The following DIPK2B variants were observed in gnomAD, a reference collection of about 807,000 sequenced individuals.
The protein encoded by DIPK2B is divergent protein kinase domain 2B.
Under a neutral mutation model 22.2 loss-of-function variants are expected in DIPK2B, and 15 were observed. That is an observed-to-expected ratio of 0.68 (90% CI 0.45 to 1.04). The LOEUF is 1.04. Among genes scored for constraint, DIPK2B ranks in the 50% least tolerant of loss-of-function variants. DIPK2B has a pLI of 0.00. For synonymous variants in DIPK2B, 163 were observed against 153.2 expected, an observed-to-expected ratio of 1.06 and a Z score of -0.47; for missense variants, 345 against 348.3, an observed-to-expected ratio of 0.99 and a Z score of 0.08.
chrX:45,195,031 T>G (rs776278846), intron 1 of DIPK2B, among the ~76,000 whole-genome samples: 1 of 112,768 alleles, frequency 8.9e-6, no homozygotes, highest in Non-Finnish European at 1.9e-5. Flanking sequence ...CCATAAGGAC[T>G]AATTGAGACA....
intron 1 of DIPK2B, among the ~76,000 whole-genome samples, chrX:45,193,768 T>A (rs1014720019): frequency 8.9e-6 from 1 of 111,788 alleles, no homozygotes; most frequent in African/African-American, 3.3e-5. Flanking sequence ...TTGTAATGAG[T>A]CCATTTTACT....
intron 2 of DIPK2B, among the ~76,000 whole-genome samples, chrX:45,170,729 G>A (rs898105897): frequency 8.9e-6 from 1 of 112,401 alleles, no homozygotes; most frequent in Non-Finnish European, 1.9e-5. Flanking sequence ...CACCCTTTGG[G>A]AGCCAAAAGA....
At chrX:45,165,279 G>A (rs1352392640) in intron 2 of DIPK2B, among the ~76,000 whole-genome samples, 1 of 111,769 alleles carries the variant, frequency 8.9e-6, no homozygotes, top group Non-Finnish European at 1.9e-5. Flanking sequence ...TCCCCAGAAG[G>A]TTTGGCTGGT....
At chrX:45,162,872 C>T (rs2148336429) in intron 2 of DIPK2B, 1 of 754,229 alleles carries the variant, frequency 1.3e-6, no homozygotes, top group Non-Finnish European at 1.6e-6. Context: ...TATATTGTTA[C>T]TTGATAGGGG....
At chrX:45,164,201 A>G in intron 2 of DIPK2B, 8 of 1,201,269 alleles carry the variant, frequency 6.7e-6, no homozygotes, top group Non-Finnish European at 9.0e-6. Context: ...CACTGGTGTT[A>G]TCTCAGCATA....
intron 2 of DIPK2B, chrX:45,163,615 A>G: frequency 1.3e-6 from 1 of 754,315 alleles, no homozygotes; most frequent in Non-Finnish European, 1.6e-6. Flanking sequence ...ACCAGAATGG[A>G]AACATAAAAG....
intron 2 of DIPK2B, chrX:45,163,138 G>C (rs1452750519): frequency 4.9e-6 from 1 of 202,165 alleles, no homozygotes; most frequent in Non-Finnish European, 7.3e-6. Context: ...GGTAATCTGG[G>C]TGGGCCTGAT....
chrX:45,151,457 G>A lies in DIPK2B; in HGVS notation c.*195C>T. 1 of 449,389 alleles carries A rather than the reference G, an allele frequency of 2.2e-6. No homozygotes were observed. Among genetic ancestry groups the A allele is most frequent in the Non-Finnish European group, 3.8e-6 (1 of 262,827 alleles). 37.0% of individuals were successfully genotyped at this position (449,389 alleles called of 1,213,427 possible). A position where few individuals can be genotyped will look rare whatever the true frequency, so the allele number is the denominator to read the frequency against. On this transcript the variant is annotated 3_prime_UTR_variant, in exon 5 of 5. Transcript: ENST00000398000. ...ACCCAGGTCTTCTGATGCCCACCGCGGGCTTTGCCAGGACGTCCCAGCCAG... is the reference window on the plus strand; with the variant it reads ...ACCCAGGTCTTCTGATGCCCACCGCAGGCTTTGCCAGGACGTCCCAGCCAG...
intron 2 of DIPK2B, among the ~76,000 whole-genome samples, chrX:45,185,441 A>T (rs1299991572): frequency 9.0e-6 from 1 of 110,566 alleles, no homozygotes; most frequent in African/African-American, 3.3e-5. Context: ...CTTGCTTTGT[A>T]TTGTTTGTTC....
At chrX:45,158,529 GA>G (rs989322473) in intron 2 of DIPK2B, among the ~76,000 whole-genome samples, 3 of 109,048 alleles carry the variant, frequency 2.8e-5, no homozygotes, top group African/African-American at 1.0e-4. Context: ...GTGTTCTTGG[GA>G]TAAGACTTGG....
intron 4 of DIPK2B, among the ~76,000 whole-genome samples, chrX:45,153,474 TTGTG>T (rs34281975): frequency 0.022 from 1,659 of 73,823 alleles, 19 homozygotes; most frequent in African/African-American, 0.027. Flanking sequence ...CCCAAAAGTT[TTGTG>T]TGTGTGTGTG....
At chrX:45,164,134 G>A (rs762304577) in intron 2 of DIPK2B, 293 of 1,145,746 alleles carry the variant, frequency 2.6e-4, no homozygotes, top group African/African-American at 7.5e-4. Context: ...AACACAGTTG[G>A]GAGAAGGCTA....
At chrX:45,166,621 A>G (rs2047050305) in intron 2 of DIPK2B, among the ~76,000 whole-genome samples, 1 of 111,928 alleles carries the variant, frequency 8.9e-6, no homozygotes, top group Admixed American at 9.5e-5. Flanking sequence ...TTAATTGTCC[A>G]ACTTGCTTCT....
At chrX:45,163,938 A>C in intron 2 of DIPK2B, 1 of 922,133 alleles carries the variant, frequency 1.1e-6, no homozygotes, top group Admixed American at 5.7e-5. Context: ...AGCCCCATCT[A>C]GGGGACCACA....
At chrX:45,171,316 C>T (rs957069091) in intron 2 of DIPK2B, among the ~76,000 whole-genome samples, 1 of 106,753 alleles carries the variant, frequency 9.4e-6, no homozygotes, top group African/African-American at 3.3e-5. Context: ...GAACCCTTGC[C>T]GGTCCCTGCA....
intron 2 of DIPK2B, chrX:45,163,454 C>T (rs901132997): frequency 6.4e-5 from 48 of 752,527 alleles, no homozygotes; most frequent in Non-Finnish European, 7.5e-5. Context: ...GATTTGCTTT[C>T]ATCTTGGAAG....
rs756763384 is a variant in DIPK2B, at chrX:45,186,165, A to G, written c.498+5586T>C. Among the ~76,000 whole-genome samples, 73 of 112,093 alleles carry G rather than the reference A, an allele frequency of 6.5e-4. No homozygotes were observed. In the Middle Eastern group the frequency reaches 0.028, roughly 42 times the overall value. ...ATGGTTGTAATCTTAAATAAATTAG[A>G]TGATTCAAAATCTTAGTTGTTTCAA... On this transcript the variant is annotated intron_variant, in intron 2 of 4. Transcript: ENST00000398000.
chrX:45,192,147 T>A, intron 1 of DIPK2B, 132 bp from the exon 2 acceptor site: 1 of 655,798 alleles, frequency 1.5e-6, no homozygotes, highest in Non-Finnish European at 2.2e-6. Context: ...CGAAATTCTT[T>A]CTGTGAGAGG....
chrX:45,175,640 T>C (rs2148342864), intron 2 of DIPK2B, among the ~76,000 whole-genome samples: 1 of 102,595 alleles, frequency 9.7e-6, no homozygotes, highest in African/African-American at 3.5e-5. Flanking sequence ...TGTGTGTATA[T>C]ATACACATAT....
Sources: gnomAD v4.1 joint callset for allele counts (sites outside exome capture counted in the v4.1 genomes callset) on GRCh38, gnomAD v4.1.1 for gene constraint, MANE v1.5 for transcripts, NCBI Gene and HGNC (gene_info 2026-07-23, HGNC 2026-07-21) for gene names.